CDH12: variants seen among roughly 807,000 people sequenced by gnomAD.
CDH12 encodes the protein cadherin-12.
Under a neutral mutation model 74.1 loss-of-function variants are expected in CDH12, and 41 were observed. The ratio of observed to expected loss-of-function variants is 0.55; its 90% CI spans 0.43 to 0.72. The LOEUF is 0.72. Among genes scored for constraint, CDH12 ranks in the 30% least tolerant of loss-of-function variants. The pLI is 0.00. For synonymous variants in CDH12, 399 were observed against 355.0 expected, an observed-to-expected ratio of 1.12 and a Z score of -1.39; for missense variants, 945 against 977.2, an observed-to-expected ratio of 0.97 and a Z score of 0.44.
chr5:21,846,679 ATTGAT>A (rs750811623), intron 7 of CDH12, among the ~76,000 whole-genome samples: 1 of 151,798 alleles, frequency 6.6e-6, no homozygotes, highest in African/African-American at 2.4e-5. Context: ...AATCTATTTC[ATTGAT>A]TTCTTTTACC....
At chr5:21,985,665 T>C (rs1196335555) in intron 5 of CDH12, among the ~76,000 whole-genome samples, 1 of 152,156 alleles carries the variant, frequency 6.6e-6, no homozygotes, top group African/African-American at 2.4e-5. Context: ...ATAATTTTAT[T>C]ATGTACAACA....
chr5:22,461,907 T>C (rs1405971768), intron 2 of CDH12, among the ~76,000 whole-genome samples: 2 of 152,048 alleles, frequency 1.3e-5, no homozygotes, highest in Non-Finnish European at 2.9e-5. Context: ...CAATCAATAT[T>C]GCTGAAATTT....
At chr5:22,290,056 A>T (rs899151658) in intron 3 of CDH12, among the ~76,000 whole-genome samples, 2 of 152,128 alleles carry the variant, frequency 1.3e-5, no homozygotes, top group South Asian at 4.1e-4. Flanking sequence ...TGCTACATTG[A>T]GCCCTGGGCT....
intron 4 of CDH12, among the ~76,000 whole-genome samples, chr5:22,086,077 CT>C (rs1368291392): frequency 1.3e-5 from 2 of 152,148 alleles, no homozygotes; most frequent in Admixed American, 1.3e-4. Flanking sequence ...ACATATGACT[CT>C]CTCTCTGGTA....
intron 2 of CDH12, among the ~76,000 whole-genome samples, chr5:22,504,356 A>G (rs1266672335): frequency 6.6e-6 from 1 of 152,074 alleles, no homozygotes; most frequent in Non-Finnish European, 1.5e-5. Context: ...AATCTCATAA[A>G]AGGATAATGA....
At chr5:22,719,483 T>C (rs2126986992) in intron 1 of CDH12, among the ~76,000 whole-genome samples, 1 of 152,300 alleles carries the variant, frequency 6.6e-6, no homozygotes, top group African/African-American at 2.4e-5. Flanking sequence ...AATGTGGTCA[T>C]GAGGACGTGA....
chr5:22,296,125 G>A (rs1325122072), intron 3 of CDH12, among the ~76,000 whole-genome samples: 1 of 151,690 alleles, frequency 6.6e-6, no homozygotes, highest in Admixed American at 6.6e-5. Flanking sequence ...TACAACACTG[G>A]TATATCTTTA....
Position 22,599,766 on chromosome 5 carries a change from T to C in CDH12, c.-522-94402A>G, listed in dbSNP as rs144722935. Among the ~76,000 whole-genome samples, 36 of 152,292 alleles carry C rather than the reference T, an allele frequency of 2.4e-4. No individual in the cohort carries two copies. In the East Asian group the frequency reaches 6.0e-3, roughly 25 times the overall value. On this transcript the variant is annotated intron_variant, in intron 1 of 14. Coordinates refer to ENST00000382254, the MANE Select transcript of CDH12 (RefSeq NM_004061.5). ...TAAATATACTTATTTATGTATCAAA[T>C]TGAAAGATGTGTATAATTTCCTTAT...
chr5:22,279,134 T>C (rs1489828983), intron 3 of CDH12, among the ~76,000 whole-genome samples: 1 of 152,184 alleles, frequency 6.6e-6, no homozygotes, highest in African/African-American at 2.4e-5. Flanking sequence ...CATATGCTTT[T>C]ACCACTCAAA....
At chr5:22,286,462 G>T (rs1040106256) in intron 3 of CDH12, among the ~76,000 whole-genome samples, 1 of 152,108 alleles carries the variant, frequency 6.6e-6, no homozygotes, top group African/African-American at 2.4e-5. Flanking sequence ...GACACACAAG[G>T]TTAAAGGACA....
rs541325494 is a variant in CDH12, at chr5:22,180,721, G to A, written c.-187+31777C>T. Among the ~76,000 whole-genome samples the A allele has an allele frequency of 5.9e-5, 9 of 151,896 alleles. No individual in the cohort carries two copies. The South Asian group carries it at 1.7e-3, about 28-fold the overall frequency. ...TTGCCATGTTGGCCAGGCTGGTCTCGAACTCCTGACCTCAAGTGATCTGTC... is the reference window on the plus strand; with the variant it reads ...TTGCCATGTTGGCCAGGCTGGTCTCAAACTCCTGACCTCAAGTGATCTGTC... On this transcript the variant is annotated intron_variant, in intron 4 of 14. Transcript: ENST00000382254.
intron 6 of CDH12, among the ~76,000 whole-genome samples, chr5:21,903,088 T>A (rs1433298934): frequency 1.3e-5 from 2 of 152,076 alleles, no homozygotes; most frequent in African/African-American, 4.8e-5. Flanking sequence ...CTGCTCTCCT[T>A]CATATCCCAT....
chr5:22,568,151 G>A (rs1580772825), intron 1 of CDH12, among the ~76,000 whole-genome samples: 1 of 152,270 alleles, frequency 6.6e-6, no homozygotes. Context: ...TCAGAAACTT[G>A]CATAAATTCT....
intron 6 of CDH12, among the ~76,000 whole-genome samples, chr5:21,925,806 T>C (rs376509070): frequency 2.2e-3 from 336 of 152,236 alleles, no homozygotes; most frequent in Non-Finnish European, 3.5e-3. Context: ...TATATGCACA[T>C]ACCATGCCTC....
chr5:22,548,783 T>A (rs1738440290), intron 1 of CDH12, among the ~76,000 whole-genome samples: 7 of 152,092 alleles, frequency 4.6e-5, no homozygotes. Flanking sequence ...CCAGTGGGTC[T>A]GAACACAGTT....
rs529550895 is a variant in CDH12 at position 22,616,142 on chromosome 5, T to C, written c.-522-110778A>G. 5.8e-4 allele frequency among the ~76,000 whole-genome samples: 89 copies of C among 152,170 alleles called. 1 individual carries two copies. The highest frequency in any genetic ancestry group is 2.0e-3 in the African/African-American group (84 of 41,544). ...AATTGTCAAAGACATATAAACTCTATTGAGTCAAACATCTACCTGTCAACT... is the reference window on the plus strand; with the variant it reads ...AATTGTCAAAGACATATAAACTCTACTGAGTCAAACATCTACCTGTCAACT... On this transcript the variant is annotated intron_variant, in intron 1 of 14. Coordinates refer to ENST00000382254, the MANE Select transcript of CDH12 (RefSeq NM_004061.5).
At chr5:22,068,064 A>C (rs1741688024) in intron 5 of CDH12, among the ~76,000 whole-genome samples, 3 of 152,080 alleles carry the variant, frequency 2.0e-5, no homozygotes, top group South Asian at 4.1e-4. Flanking sequence ...ACACTTAATC[A>C]TGGCACACCA....
rs1736416705 is a variant in CDH12, at chr5:22,827,958, TTAA to T, written c.-523+25097_-523+25099del. ...GCACTCATTTTTGTCTACTAAATAC[TTAA>T]TAAAAATTATTTAAAAAGTAAAATA... On this transcript the variant is annotated intron_variant, in intron 1 of 14. Coordinates refer to ENST00000382254, the MANE Select transcript of CDH12 (RefSeq NM_004061.5). Among the ~76,000 whole-genome samples the T allele has an allele frequency of 2.6e-5, 4 of 152,290 alleles. No individual in the cohort carries two copies. The South Asian group carries it at 8.3e-4, about 32-fold the overall frequency.
chr5:22,416,230 A>G (rs958481703), intron 2 of CDH12, among the ~76,000 whole-genome samples: 43 of 150,624 alleles, frequency 2.9e-4, no homozygotes, highest in Non-Finnish European at 5.6e-4. Flanking sequence ...GCCCGCCACC[A>G]CGCCCGGCTA....
Sources: gnomAD v4.1 joint callset for allele counts (sites outside exome capture counted in the v4.1 genomes callset) on GRCh38, gnomAD v4.1.1 for gene constraint, MANE v1.5 for transcripts, NCBI Gene and HGNC (gene_info 2026-07-23, HGNC 2026-07-21) for gene names.